NCOR2: variants seen among roughly 807,000 people sequenced by gnomAD.
NCOR2 encodes the protein nuclear receptor corepressor 2.
Under a neutral mutation model 262.9 loss-of-function variants are expected in NCOR2, and 81 were observed. The observed-to-expected ratio is 0.31, with a 90% CI of 0.26 to 0.37. The LOEUF (loss-of-function observed/expected upper bound fraction) is 0.37. Among genes scored for constraint, NCOR2 ranks in the 10% least tolerant of loss-of-function variants. NCOR2 has a pLI of 1.00. For synonymous variants in NCOR2, 1,659 were observed against 1,559.3 expected (o/e 1.06, Z -1.51); for missense variants, 3,385 against 3,621.4 (o/e 0.93, Z 1.68).
intron 6 of NCOR2, among the ~76,000 whole-genome samples, chr12:124,456,749 G>A (rs980183707): frequency 3.3e-5 from 5 of 152,204 alleles, no homozygotes; most frequent in Non-Finnish European, 5.9e-5. Context: ...GAGATTGTGT[G>A]ACCCAGAGAA....
chr12:124,338,194 G>A (rs1040781167), intron 37 of NCOR2, among the ~76,000 whole-genome samples: 1 of 152,208 alleles, frequency 6.6e-6, no homozygotes, highest in African/African-American at 2.4e-5. Flanking sequence ...ATTCATTTTG[G>A]AGGAGTAAGT....
chr12:124,519,089 TACACACACACACACACACACACACAC>T (rs57438929), intron 1 of NCOR2, among the ~76,000 whole-genome samples: 49 of 97,318 alleles, frequency 5.0e-4, no homozygotes, highest in African/African-American at 1.7e-3. Flanking sequence ...GGCCAAATAA[TACACACACACACACACACACACACAC>T]ACACACACAC....
chr12:124,466,790 G>A (rs1005907201), intron 4 of NCOR2, among the ~76,000 whole-genome samples: 12 of 152,028 alleles, frequency 7.9e-5, no homozygotes, highest in African/African-American at 2.4e-4. Context: ...TACTTACTGC[G>A]TAGCCTTGAG....
chr12:124,331,222 C>G (rs79680788), intron 43 of NCOR2, among the ~76,000 whole-genome samples: 2,615 of 152,142 alleles, frequency 0.017, 92 homozygotes, highest in South Asian at 0.11. Context: ...GCCACCACGC[C>G]TGGCTAATTT....
chr12:124,334,633 G>C lies in NCOR2; in HGVS notation c.6412-16C>G. ...TGATGACCTCCTGCAGGCAAGTGGG[G>C]GGGCCCAGAGTCAGGCAGCACTCTC... On this transcript the variant is annotated splice_polypyrimidine_tract_variant and intron_variant, in intron 40 of 46. Transcript: ENST00000405201. 7.4e-7 allele frequency: 1 copy of C among 1,358,238 alleles called. No homozygotes were observed. The highest frequency in any genetic ancestry group is 9.5e-7 in the Non-Finnish European group (1 of 1,055,130). The allele number at this position is 1,358,238 out of a possible 1,614,324, so 84.1% of individuals were successfully genotyped here. A position where few individuals can be genotyped will look rare whatever the true frequency, so the allele number is the denominator to read the frequency against.
At chr12:124,360,421 T>G (rs2038463405) in intron 22 of NCOR2, among the ~76,000 whole-genome samples, 1 of 152,214 alleles carries the variant, frequency 6.6e-6, no homozygotes, top group Non-Finnish European at 1.5e-5. Context: ...TCAGGCAGCC[T>G]CTGTCGCCTG....
chr12:124,352,046 C>A (rs535538887), intron 27 of NCOR2, among the ~76,000 whole-genome samples: 5 of 152,140 alleles, frequency 3.3e-5, no homozygotes, highest in East Asian at 3.9e-4. Context: ...TGAGCTCCCC[C>A]CAAACTTCCC....
chr12:124,452,322 C>T (rs2045597802), intron 6 of NCOR2, among the ~76,000 whole-genome samples: 1 of 152,206 alleles, frequency 6.6e-6, no homozygotes, highest in Admixed American at 6.5e-5. Flanking sequence ...CTTTATGTTC[C>T]CCACATGCCA....
intron 16 of NCOR2, among the ~76,000 whole-genome samples, chr12:124,397,021 T>TGCTCCCGGCCCC (rs1565906485): frequency 6.6e-6 from 1 of 152,140 alleles, no homozygotes; most frequent in Non-Finnish European, 1.5e-5. Flanking sequence ...GGCCTGGGCC[T>TGCTCCCGGCCCC]GCTCCCAGCC....
chr12:124,558,064 G>T (rs996079325), intron 1 of NCOR2, among the ~76,000 whole-genome samples: 8 of 152,290 alleles, frequency 5.3e-5, no homozygotes, highest in Non-Finnish European at 1.0e-4. Flanking sequence ...CACCAGGCAG[G>T]TTCCCATGGT....
chr12:124,447,569 G>T (rs1027054697), intron 7 of NCOR2, among the ~76,000 whole-genome samples: 6 of 152,032 alleles, frequency 3.9e-5, no homozygotes, highest in Non-Finnish European at 8.8e-5. Context: ...ATAATAATAT[G>T]GCTATCAAAA....
intron 27 of NCOR2, among the ~76,000 whole-genome samples, chr12:124,353,535 C>A (rs577735004): frequency 5.3e-5 from 8 of 152,232 alleles, no homozygotes; most frequent in Non-Finnish European, 1.0e-4. Context: ...TGTGGACCCA[C>A]GCTCTGTCAC....
At chr12:124,484,912 T>G (rs1170758478) in intron 2 of NCOR2, among the ~76,000 whole-genome samples, 1 of 152,214 alleles carries the variant, frequency 6.6e-6, no homozygotes, top group African/African-American at 2.4e-5. Flanking sequence ...GTAGACTGAC[T>G]GAATGCTGCC....
At chr12:124,433,194 A>G (rs1308990263) in intron 8 of NCOR2, among the ~76,000 whole-genome samples, 3 of 152,172 alleles carry the variant, frequency 2.0e-5, no homozygotes, top group Admixed American at 2.0e-4. Flanking sequence ...CTGTGCCAGG[A>G]ACGCGCTGGA....
intron 17 of NCOR2, among the ~76,000 whole-genome samples, chr12:124,383,976 C>T (rs956536923): frequency 6.6e-6 from 1 of 151,800 alleles, no homozygotes; most frequent in African/African-American, 2.4e-5. Flanking sequence ...CAGCAGGCTG[C>T]AGCGGGGGGA....
intron 3 of NCOR2, among the ~76,000 whole-genome samples, chr12:124,474,939 C>T (rs2047021931): frequency 6.6e-6 from 1 of 152,094 alleles, no homozygotes; most frequent in Non-Finnish European, 1.5e-5. Flanking sequence ...CTCCGGACAA[C>T]TGCAGCCCGG....
exon 37 of NCOR2, chr12:124,340,070 G>A: frequency 6.2e-7 from 1 of 1,613,042 alleles, no homozygotes; most frequent in East Asian, 2.2e-5. Context: ...GTGTTGTGAA[G>A]CACACTGGGT....
At chr12:124,347,961 C>T in intron 29 of NCOR2, 50 bp from the exon 32 acceptor site, 1 of 1,533,824 alleles carries the variant, frequency 6.5e-7, no homozygotes, top group Non-Finnish European at 8.8e-7. Context: ...TGAGCCGACA[C>T]TGGGCAGTGA....
intron 16 of NCOR2, among the ~76,000 whole-genome samples, chr12:124,393,066 C>T (rs2041419362): frequency 1.3e-5 from 2 of 152,246 alleles, no homozygotes. Context: ...GCCTCCCAAC[C>T]CCCTCCACAG....
Sources: gnomAD v4.1 joint callset for allele counts (sites outside exome capture counted in the v4.1 genomes callset) on GRCh38, gnomAD v4.1.1 for gene constraint, MANE v1.5 for transcripts, NCBI Gene and HGNC (gene_info 2026-07-23, HGNC 2026-07-21) for gene names.